The following LRP1B variants were observed in gnomAD, a reference collection of about 807,000 sequenced individuals.
LRP1B encodes low-density lipoprotein receptor-related protein 1B.
In LRP1B, 217 loss-of-function variants were observed where a neutral mutation model predicts 556.6. That is an observed-to-expected ratio of 0.39 (90% CI 0.35 to 0.44). The LOEUF (loss-of-function observed/expected upper bound fraction) is 0.44, where lower values mean the gene tolerates loss of function less well. Among genes scored for constraint, LRP1B ranks in the 20% least tolerant of loss-of-function variants. The pLI is 1.00. For missense variants in LRP1B, 5,053 were observed against 5,620.8 expected (o/e 0.90, Z 3.23); for synonymous variants, 2,047 against 1,865.8 (o/e 1.10, Z -2.50).
chr2:141,654,854 T>C (rs985320357), intron 2 of LRP1B, among the ~76,000 whole-genome samples: 2 of 152,122 alleles, frequency 1.3e-5, no homozygotes, highest in African/African-American at 4.8e-5. Flanking sequence ...TTTAATCAAG[T>C]GTCTCAGTCT....
intron 16 of LRP1B, 49 bp from the exon 17 acceptor site, chr2:140,989,706 T>C: frequency 6.3e-7 from 1 of 1,590,254 alleles, no homozygotes; most frequent in East Asian, 2.3e-5. Context: ...TGGATAAAGT[T>C]GTGAATATTT....
intron 2 of LRP1B, among the ~76,000 whole-genome samples, chr2:141,486,964 C>T (rs918069975): frequency 1.3e-5 from 2 of 152,116 alleles, no homozygotes; most frequent in Non-Finnish European, 2.9e-5. Context: ...GCGAAGTCCT[C>T]CAAAGACTGA....
chr2:140,647,330 C>A (rs553038905), intron 41 of LRP1B, among the ~76,000 whole-genome samples: 3 of 152,072 alleles, frequency 2.0e-5, no homozygotes, highest in Non-Finnish European at 2.9e-5. Flanking sequence ...ATCAGTGAAC[C>A]ATTGCACTGC....
rs926633717 is a variant in LRP1B, at chr2:140,588,841, C to T, written c.7194+9790G>A. 1.1e-3 allele frequency among the ~76,000 whole-genome samples: 15 copies of T among 13,248 alleles called. No individual in the cohort carries two copies. In the South Asian group the frequency reaches 0.041, roughly 36 times the overall value. The allele number at this position is 13,248 out of a possible 152,430, so 8.7% of individuals were successfully genotyped here. On this transcript the variant is annotated intron_variant, in intron 43 of 90. Transcript: ENST00000389484. ...GGGTGTGGTGGCACACGCCTGTAGT[C>T]CCAGCTAACTCGGGAGGCTGAGGCA...
intron 7 of LRP1B, among the ~76,000 whole-genome samples, chr2:141,149,371 C>T (rs534225024): frequency 1.4e-4 from 22 of 152,188 alleles, no homozygotes; most frequent in Middle Eastern, 3.4e-3. Context: ...AAGAATATTA[C>T]GTGAATAGTT....
chr2:140,428,043 A>T (rs942649846), intron 66 of LRP1B, among the ~76,000 whole-genome samples: 2 of 152,142 alleles, frequency 1.3e-5, no homozygotes, highest in Non-Finnish European at 2.9e-5. Flanking sequence ...TTTTCATCAA[A>T]TATAAAAATC....
chr2:141,325,207 T>C (rs1313415238), intron 3 of LRP1B, among the ~76,000 whole-genome samples: 2 of 97,614 alleles, frequency 2.0e-5, no homozygotes, highest in African/African-American at 4.6e-5. Context: ...ATGAAATAGA[T>C]TTTCAAATTA....
intron 55 of LRP1B, among the ~76,000 whole-genome samples, chr2:140,496,873 T>A (rs2104877516): frequency 6.6e-6 from 1 of 151,368 alleles, no homozygotes; most frequent in South Asian, 2.1e-4. Flanking sequence ...CCATAGTAAA[T>A]ATTTCATAAT....
chr2:140,815,017 T>C (rs918732161), intron 31 of LRP1B, among the ~76,000 whole-genome samples: 1 of 152,100 alleles, frequency 6.6e-6, no homozygotes, highest in African/African-American at 2.4e-5. Context: ...ATGTTGACCT[T>C]CTGTGATCCA....
At chr2:141,165,038 A>G (rs1476539258) in intron 7 of LRP1B, among the ~76,000 whole-genome samples, 2 of 152,080 alleles carry the variant, frequency 1.3e-5, no homozygotes, top group Non-Finnish European at 2.9e-5. Flanking sequence ...TAAAGCCTAA[A>G]AACAGTAATA....
chr2:140,952,547 A>G lies in LRP1B; in HGVS notation c.2888-607T>C, dbSNP rs187895741. ...AAAAAAAACAAAAAACCGAAAAAAAAATAGCAAAGAATTAGATTTCAAGAT... is the reference window on the plus strand; with the variant it reads ...AAAAAAAACAAAAAACCGAAAAAAAGATAGCAAAGAATTAGATTTCAAGAT... On this transcript the variant is annotated intron_variant, in intron 18 of 90. Coordinates refer to ENST00000389484, the MANE Select transcript of LRP1B (RefSeq NM_018557.3). Among the ~76,000 whole-genome samples, 25 of 152,290 alleles carry G rather than the reference A, an allele frequency of 1.6e-4. No individual in the cohort carries two copies. In the East Asian group the frequency reaches 4.6e-3, roughly 28 times the overall value.
intron 1 of LRP1B, among the ~76,000 whole-genome samples, chr2:142,120,647 C>G (rs544586736): frequency 2.0e-4 from 31 of 152,214 alleles, no homozygotes; most frequent in African/African-American, 7.5e-4. Flanking sequence ...TAGGCCAATG[C>G]CTGTTTCTTT....
intron 2 of LRP1B, among the ~76,000 whole-genome samples, chr2:141,713,512 TCTGTTAAATAGCAATGTAATGC>T (rs1295847490): frequency 6.6e-5 from 10 of 152,168 alleles, no homozygotes; most frequent in Non-Finnish European, 1.5e-5. Flanking sequence ...AAATGCGGTA[TCTGTTAAATAGCAATGTAATGC>T]CAGACCAGGT....
chr2:141,460,328 T>C (rs1039930689), intron 3 of LRP1B, among the ~76,000 whole-genome samples: 1 of 152,140 alleles, frequency 6.6e-6, no homozygotes, highest in East Asian at 1.9e-4. Flanking sequence ...TAGGGAACAG[T>C]TCATGCCAAA....
At chr2:140,255,178 G>A (rs1681621878) in intron 86 of LRP1B, among the ~76,000 whole-genome samples, 1 of 152,088 alleles carries the variant, frequency 6.6e-6, no homozygotes, top group African/African-American at 2.4e-5. Context: ...ATAGGAAGAT[G>A]TTGCAGACAG....
intron 2 of LRP1B, among the ~76,000 whole-genome samples, chr2:141,748,484 G>T (rs927699525): frequency 4.6e-5 from 7 of 152,100 alleles, no homozygotes; most frequent in Non-Finnish European, 8.8e-5. Flanking sequence ...CTGGGCAAGC[G>T]CTCATTATCA....
chr2:140,309,988 G>A (rs1345987839), intron 83 of LRP1B, among the ~76,000 whole-genome samples: 1 of 151,586 alleles, frequency 6.6e-6, no homozygotes, highest in Admixed American at 6.6e-5. Context: ...TTTAGTCAAA[G>A]GGCATTGACA....
chr2:141,476,831 A>T (rs1682722510), intron 3 of LRP1B, among the ~76,000 whole-genome samples: 1 of 152,178 alleles, frequency 6.6e-6, no homozygotes. Flanking sequence ...CTCTTCTGAA[A>T]AAAAGAAAAC....
chr2:141,550,859 C>T (rs1393524402), intron 2 of LRP1B, among the ~76,000 whole-genome samples: 1 of 152,030 alleles, frequency 6.6e-6, no homozygotes, highest in African/African-American at 2.4e-5. Flanking sequence ...ACTTAAAGTG[C>T]TTTGAAAGGA....
Sources: gnomAD v4.1 joint callset for allele counts (sites outside exome capture counted in the v4.1 genomes callset) on GRCh38, gnomAD v4.1.1 for gene constraint, MANE v1.5 for transcripts, NCBI Gene and HGNC (gene_info 2026-07-23, HGNC 2026-07-21) for gene names.